TACC2: variants seen among roughly 807,000 people sequenced by gnomAD.
TACC2 encodes transforming acidic coiled-coil-containing protein 2.
In TACC2, 137 loss-of-function variants were observed where a neutral mutation model predicts 227.3. The observed-to-expected ratio is 0.60, with a 90% CI of 0.52 to 0.69. The LOEUF (loss-of-function observed/expected upper bound fraction) is 0.69. TACC2 is among the 30% of genes least tolerant of loss of function. The pLI, the probability that TACC2 is intolerant of heterozygous loss-of-function variation, is 0.00. For missense variants in TACC2, 3,470 were observed against 3,694.4 expected (o/e 0.94, Z 1.57); for synonymous variants, 1,523 against 1,487.5 (o/e 1.02, Z -0.55).
At position 122,012,087 on chromosome 10, in the gene TACC2, G is replaced by A. The variant is rs866502116; in HGVS notation, c.-45-9850G>A. On this transcript the variant is annotated intron_variant, in intron 1 of 22. Transcript: ENST00000369005. ...CAAGTTTCTGGAACTACAGGCACCC[G>A]CCACCATGCCTGGCTAATTTTTGTA... 2.6e-5 allele frequency among the ~76,000 whole-genome samples: 4 copies of A among 152,022 alleles called. No individual in the cohort carries two copies. In the South Asian group the frequency reaches 6.2e-4, roughly 24 times the overall value.
intron 5 of TACC2, among the ~76,000 whole-genome samples, chr10:122,098,791 C>T (rs779022768): frequency 5.3e-5 from 8 of 152,166 alleles, no homozygotes; most frequent in Admixed American, 6.5e-5. Flanking sequence ...ATAGAGTTCA[C>T]GTACATCTGG....
chr10:122,149,718 G>A (rs1047348530), intron 7 of TACC2, among the ~76,000 whole-genome samples: 2 of 152,244 alleles, frequency 1.3e-5, no homozygotes, highest in African/African-American at 2.4e-5. Context: ...TGCCTTGTAG[G>A]CGGGGTGCAG....
chr10:122,207,756 G>A (rs2095170137), intron 8 of TACC2, among the ~76,000 whole-genome samples: 1 of 152,238 alleles, frequency 6.6e-6, no homozygotes, highest in East Asian at 1.9e-4. Flanking sequence ...ATGAGCAGAT[G>A]GTTAAGCTCA....
intron 5 of TACC2, chr10:122,113,263 G>A (rs1039920579): frequency 3.3e-5 from 5 of 152,302 alleles, no homozygotes; most frequent in African/African-American, 7.2e-5. Flanking sequence ...GCGGGCGGCC[G>A]GGGTCAGAAG....
intron 7 of TACC2, chr10:122,164,102 G>T: frequency 7.4e-7 from 1 of 1,347,438 alleles, no homozygotes; most frequent in Non-Finnish European, 1.0e-6. Context: ...GCCCAGGCTG[G>T]CCTGGGGTTC....
chr10:122,210,274 CG>C lies in TACC2; in HGVS notation c.5972-119del, dbSNP rs1441167566. ...CCCAAGTAGTACACACAGTGATGGG[CG>C]GGGTGGCCTGGGGCCGTGGTTTGTC... On this transcript the variant is annotated intron_variant, in intron 8 of 22. Transcript: ENST00000369005. This position sits in a 1 kb window ranked among gnomAD's most constrained non-coding sequence, Gnocchi z 4.6. The C allele has an allele frequency of 4.0e-6, 3 of 747,040 alleles. No homozygotes were observed. Among genetic ancestry groups the C allele is most frequent in the Non-Finnish European group, 4.7e-6 (2 of 428,750 alleles). 46.3% of individuals were successfully genotyped at this position (747,040 alleles called of 1,614,324 possible).
chr10:122,237,797 T>C (rs1193664257), intron 17 of TACC2, among the ~76,000 whole-genome samples, 164 bp from the exon 18 acceptor site: 1 of 152,262 alleles, frequency 6.6e-6, no homozygotes, highest in Non-Finnish European at 1.5e-5. Context: ...ATCTGGCTGC[T>C]TTCTTTTTTA....
chr10:122,249,338 C>T (rs1163838653), intron 21 of TACC2, among the ~76,000 whole-genome samples, 182 bp downstream of exon 21: 2 of 152,152 alleles, frequency 1.3e-5, no homozygotes, highest in South Asian at 2.1e-4. Flanking sequence ...GTGGAGGATG[C>T]GTGTTGCAAT....
chr10:122,121,440 G>C (rs1295793535), intron 5 of TACC2, among the ~76,000 whole-genome samples: 1 of 152,164 alleles, frequency 6.6e-6, no homozygotes, highest in African/African-American at 2.4e-5. Flanking sequence ...TTTATTGCTG[G>C]AGTGGGGTCA....
intron 1 of TACC2, among the ~76,000 whole-genome samples, chr10:122,009,796 C>T (rs945310432): frequency 5.9e-5 from 9 of 151,684 alleles, no homozygotes; most frequent in South Asian, 2.1e-4. Flanking sequence ...CATGGGGGTG[C>T]GCGCCTGTAG....
chr10:122,253,798 G>C (rs1339497219), intron 22 of TACC2, among the ~76,000 whole-genome samples, 193 bp from the exon 23 acceptor site: 1 of 152,234 alleles, frequency 6.6e-6, no homozygotes, highest in Admixed American at 6.5e-5. Context: ...CAGAGAGGTT[G>C]TGTAACTTGT....
chr10:122,248,610 C>T lies in TACC2; in HGVS notation c.8393-33C>T, dbSNP rs542699044. On this transcript the variant is annotated intron_variant, in intron 19 of 22. Coordinates refer to ENST00000369005, the MANE Select transcript of TACC2 (RefSeq NM_206862.4). ...AGAGACCCAGTTTGGACTTTCTGGG[C>T]TCCATCATTTGGCTCCTGGTCTCTC... The T allele has an allele frequency of 1.2e-5, 20 of 1,611,530 alleles. No homozygotes were observed. The East Asian group carries it at 3.1e-4, about 25-fold the overall frequency.
At chr10:122,099,542 C>G (rs2081905857) in intron 5 of TACC2, among the ~76,000 whole-genome samples, 1 of 152,186 alleles carries the variant, frequency 6.6e-6, no homozygotes, top group Non-Finnish European at 1.5e-5. Context: ...CTGTTGAACT[C>G]TAATCTGAGT....
intron 21 of TACC2, 82 bp from the exon 22 acceptor site, chr10:122,249,462 C>G (rs2096206861): frequency 6.4e-7 from 1 of 1,557,686 alleles, no homozygotes; most frequent in African/African-American, 1.3e-5. Context: ...CCAGGCCACT[C>G]TCCCTGCCTG....
intron 1 of TACC2, among the ~76,000 whole-genome samples, chr10:122,007,211 G>C (rs10159670): frequency 6.6e-6 from 1 of 151,854 alleles, no homozygotes; most frequent in Non-Finnish European, 1.5e-5. Context: ...ATTTACATCT[G>C]TTATCCCTTG....
intron 16 of TACC2, among the ~76,000 whole-genome samples, chr10:122,235,385 G>C (rs2141567934): frequency 6.6e-6 from 1 of 151,792 alleles, no homozygotes; most frequent in Non-Finnish European, 1.5e-5. Context: ...ACTGCAACCG[G>C]CCCCCAATTT....
chr10:122,032,474 C>T (rs1959103411), intron 2 of TACC2, among the ~76,000 whole-genome samples: 1 of 152,144 alleles, frequency 6.6e-6, no homozygotes, highest in Non-Finnish European at 1.5e-5. Context: ...ACCTCCTGTT[C>T]ACAGATTAAA....
At chr10:122,189,833 A>G (rs1198446131) in intron 7 of TACC2, among the ~76,000 whole-genome samples, 3 of 152,204 alleles carry the variant, frequency 2.0e-5, no homozygotes, top group Non-Finnish European at 2.9e-5. Flanking sequence ...GCCTGGTTCT[A>G]TGGAATTTCC....
intron 19 of TACC2, among the ~76,000 whole-genome samples, chr10:122,243,233 T>C (rs1564830545): frequency 6.6e-6 from 1 of 152,180 alleles, no homozygotes; most frequent in East Asian, 1.9e-4. Context: ...CGTGAGCCGC[T>C]GCACCTGGCC....
Sources: gnomAD v4.1 joint callset for allele counts (sites outside exome capture counted in the v4.1 genomes callset) on GRCh38, gnomAD v4.1.1 for gene constraint, Gnocchi (gnomAD v3.1) non-coding constraint, MANE v1.5 for transcripts, NCBI Gene and HGNC (gene_info 2026-07-23, HGNC 2026-07-21) for gene names.